CHODL: variants seen among roughly 807,000 people sequenced by gnomAD.
CHODL encodes chondrolectin.
A neutral mutation model predicts 34.5 loss-of-function variants in CHODL; 29 were observed. The ratio of observed to expected loss-of-function variants is 0.84; its 90% confidence interval spans 0.63 to 1.15. The LOEUF is 1.15. CHODL is among the 50% of genes most tolerant of loss of function. CHODL has a pLI of 0.00. For synonymous variants in CHODL, 125 were observed against 116.1 expected, an observed-to-expected ratio of 1.08 and a Z score of -0.49; for missense variants, 332 against 332.5, an observed-to-expected ratio of 1.00 and a Z score of 0.01.
At position 18,109,957 on chromosome 21, in the gene CHODL, G is replaced by A. The variant is rs534120649; in HGVS notation, c.-45+81986G>A. The stretch of plus-strand genomic sequence containing the variant: ...TACAGGTACAATATAAAAGGAGAAA[G>A]GAAAAAACTATAGTTATACCTACAA... On this transcript the variant is annotated intron_variant, in intron 2 of 6. Coordinates refer to the CHODL transcript ENST00000400127. Among the ~76,000 whole-genome samples, 69 of 152,124 alleles carry A rather than the reference G, an allele frequency of 4.5e-4. 1 individual carries two copies. The highest frequency in any genetic ancestry group is 3.4e-3 in the Middle Eastern group (1 of 294).
At chr21:17,965,984 T>A (rs978619740) in intron 1 of CHODL, among the ~76,000 whole-genome samples, 2 of 151,728 alleles carry the variant, frequency 1.3e-5, no homozygotes, top group African/African-American at 2.4e-5. Flanking sequence ...GTGGTTATGA[T>A]ACAACATGCA....
rs778852192 is a variant in CHODL, at chr21:18,256,999, G to T, written c.419G>T (p.Gly140Val). The change falls in exon 3 of 6, where the codon GGA becomes GTA. Residue 140 changes from glycine (G) to valine (V), a missense_variant. Transcript: ENST00000299295. ...RNWYTDEPSC[G>V]SEKCVVMYHQ... ...TGGTACACAGATGAACCTTCCTGCG[G>T]AAGTGAAAAGTGTGTTGTGATGTAT... is the stretch of plus-strand genomic sequence containing the variant. 3 of 1,613,622 alleles carry T rather than the reference G, an allele frequency of 1.9e-6. No individual in the cohort carries two copies. Among genetic ancestry groups the T allele is most frequent in the Non-Finnish European group, 2.5e-6 (3 of 1,179,864 alleles).
At chr21:18,065,198 A>G (rs1478978626) in intron 2 of CHODL, among the ~76,000 whole-genome samples, 1 of 152,216 alleles carries the variant, frequency 6.6e-6, no homozygotes, top group Admixed American at 6.5e-5. Flanking sequence ...CTCTTTTTGT[A>G]GCCAGTAATG....
At chr21:18,002,499 A>G (rs2063916121) in intron 1 of CHODL, among the ~76,000 whole-genome samples, 1 of 152,168 alleles carries the variant, frequency 6.6e-6, no homozygotes, top group African/African-American at 2.4e-5. Context: ...CTGGCTTTGA[A>G]TGGATTCCAG....
Position 18,259,087 on chromosome 21 carries a change from AG to A in CHODL, c.548-1108del, listed in dbSNP as rs375538945. On this transcript the variant is annotated intron_variant, in intron 3 of 5. Coordinates refer to ENST00000299295, the MANE Select transcript of CHODL (RefSeq NM_024944.3). Reference sequence around the variant, plus strand: ...TGGATTATGATTAAACTTCCAACAAAGGGGGACTCTGTGACATTTTAAGGCA... The same window carrying A: ...TGGATTATGATTAAACTTCCAACAAAGGGGACTCTGTGACATTTTAAGGCA... 2.2e-4 allele frequency among the ~76,000 whole-genome samples: 34 copies of A among 152,234 alleles called. No homozygotes were observed. The East Asian group carries it at 3.1e-3, about 14-fold the overall frequency.
intron 2 of CHODL, among the ~76,000 whole-genome samples, chr21:18,222,726 G>A (rs2073896363): frequency 6.6e-6 from 1 of 152,086 alleles, no homozygotes. Context: ...TACCCTGCTG[G>A]ATTCTAGAAT....
intron 1 of CHODL, among the ~76,000 whole-genome samples, chr21:18,015,560 T>C (rs2064064740): frequency 6.6e-6 from 1 of 151,872 alleles, no homozygotes; most frequent in Non-Finnish European, 1.5e-5. Flanking sequence ...AATGGGGAAG[T>C]GACCTTGGAA....
intron 2 of CHODL, among the ~76,000 whole-genome samples, chr21:18,149,932 A>G (rs988992054): frequency 3.9e-5 from 6 of 152,344 alleles, no homozygotes; most frequent in African/African-American, 1.2e-4. Context: ...ATGAGTGACC[A>G]TGGCCCATGA....
At chr21:18,260,009 A>G (rs2146819900) in intron 3 of CHODL, among the ~76,000 whole-genome samples, 191 bp from the exon 4 acceptor site, 1 of 152,334 alleles carries the variant, frequency 6.6e-6, no homozygotes, top group South Asian at 2.1e-4. Context: ...TTATTCAAAG[A>G]GAATTAAATG....
chr21:18,015,005 A>C (rs2064058686), intron 1 of CHODL, among the ~76,000 whole-genome samples: 1 of 152,208 alleles, frequency 6.6e-6, no homozygotes, highest in East Asian at 1.9e-4. Flanking sequence ...AAGGCTTAGA[A>C]GACAGGCATA....
upstream of CHODL, among the ~76,000 whole-genome samples, chr21:18,243,099 A>G (rs528444014): frequency 3.3e-5 from 5 of 152,284 alleles, no homozygotes; most frequent in East Asian, 5.8e-4. Flanking sequence ...ACCACCATCA[A>G]CCTTGACTGC....
intron 2 of CHODL, among the ~76,000 whole-genome samples, chr21:18,115,436 T>C (rs2065400498): frequency 6.6e-6 from 1 of 152,218 alleles, no homozygotes; most frequent in African/African-American, 2.4e-5. Flanking sequence ...GGCAGACTTA[T>C]TCTGTAACTC....
chr21:17,931,229 C>G (rs1216252586), intron 1 of CHODL, among the ~76,000 whole-genome samples: 3 of 152,218 alleles, frequency 2.0e-5, no homozygotes, highest in Non-Finnish European at 4.4e-5. Context: ...CAAGCAAATA[C>G]CCATCTGCTT....
intron 2 of CHODL, among the ~76,000 whole-genome samples, chr21:18,163,772 A>C (rs1332753946): frequency 1.3e-5 from 2 of 149,154 alleles, no homozygotes; most frequent in Non-Finnish European, 3.0e-5. Context: ...TTAGAGGGGA[A>C]TCTCTCATGT....
chr21:18,011,457 T>A (rs948539006), intron 1 of CHODL, among the ~76,000 whole-genome samples: 3 of 152,232 alleles, frequency 2.0e-5, no homozygotes, highest in Admixed American at 1.3e-4. Context: ...GATATTTTCT[T>A]CCTTTGTTTT....
intron 2 of CHODL, among the ~76,000 whole-genome samples, chr21:18,154,951 A>C (rs1395420645): frequency 6.6e-6 from 1 of 152,206 alleles, no homozygotes; most frequent in Non-Finnish European, 1.5e-5. Context: ...GAATAATAAT[A>C]GTGGACAGGC....
intron 2 of CHODL, among the ~76,000 whole-genome samples, chr21:18,076,160 G>A (rs749927294): frequency 6.6e-6 from 1 of 152,214 alleles, no homozygotes; most frequent in African/African-American, 2.4e-5. Flanking sequence ...ACCTAAAAAT[G>A]TGGAAGTGGC....
chr21:17,959,719 A>G (rs1407883706), intron 1 of CHODL, among the ~76,000 whole-genome samples: 6 of 152,168 alleles, frequency 3.9e-5, no homozygotes, highest in African/African-American at 1.4e-4. Flanking sequence ...GTTGGCATTT[A>G]TATTTGTAAT....
intron 2 of CHODL, among the ~76,000 whole-genome samples, chr21:18,102,329 C>G (rs1040452276): frequency 6.6e-6 from 1 of 152,110 alleles, no homozygotes; most frequent in Non-Finnish European, 1.5e-5. Context: ...ATCTGCTGTT[C>G]CCAGTAAGTT....
Sources: allele counts gnomAD v4.1 joint callset (sites outside exome capture counted in the v4.1 genomes callset), GRCh38; gene constraint gnomAD v4.1.1; transcripts MANE v1.5; gene names NCBI Gene and HGNC (gene_info 2026-07-23, HGNC 2026-07-21).